Variants in GABBR2 observed in about 807,000 individuals in gnomAD.
The protein encoded by GABBR2 is gamma-aminobutyric acid type B receptor subunit 2.
Under a neutral mutation model 105.6 loss-of-function variants are expected in GABBR2, and 23 were observed. That is an observed-to-expected ratio of 0.22 (90% CI 0.16 to 0.31). The LOEUF is 0.31. Among genes scored for constraint, GABBR2 ranks in the 10% least tolerant of loss-of-function variants. The probability of loss-of-function intolerance (pLI) is 1.00; values close to 1 mark genes in which losing one functional copy is unlikely to be tolerated. For synonymous variants in GABBR2, 478 were observed against 499.7 expected (o/e 0.96, Z 0.58); for missense variants, 734 against 1,245.5 (o/e 0.59, Z 6.18).
In GABBR2 at chr9:98,347,092, C is replaced by A. The variant is rs572295487; in HGVS notation, c.1893+15623G>T. ...TGATTTCCTTTCCTTTGGATAAACA[C>A]CCAGTAGTGGGATTGCTGAATCATA... is the stretch of plus-strand genomic sequence containing the variant. On this transcript the variant is annotated intron_variant, in intron 13 of 18. Coordinates refer to ENST00000259455, the MANE Select transcript of GABBR2 (RefSeq NM_005458.8). Among the ~76,000 whole-genome samples the A allele has an allele frequency of 9.2e-5, 14 of 152,268 alleles. No homozygotes were observed. In the South Asian group the frequency reaches 2.9e-3, roughly 32 times the overall value.
chr9:98,364,959 C>G (rs1400396911), intron 12 of GABBR2, among the ~76,000 whole-genome samples: 2 of 152,186 alleles, frequency 1.3e-5, no homozygotes, highest in African/African-American at 4.8e-5. Flanking sequence ...AATTCTGGCT[C>G]TGTTCCTTGA....
intron 5 of GABBR2, among the ~76,000 whole-genome samples, chr9:98,476,082 C>A (rs1389861021): frequency 2.0e-5 from 3 of 151,950 alleles, no homozygotes; most frequent in East Asian, 1.9e-4. Flanking sequence ...AACAAACAAA[C>A]AAAAAAACTC....
At chr9:98,399,262 G>A (rs1832347141) in intron 8 of GABBR2, among the ~76,000 whole-genome samples, 1 of 151,290 alleles carries the variant, frequency 6.6e-6, no homozygotes, top group Non-Finnish European at 1.5e-5. Flanking sequence ...GCTGAGGCAG[G>A]AGAATTGCTT....
intron 1 of GABBR2, among the ~76,000 whole-genome samples, chr9:98,620,592 G>T (rs1329555244): frequency 6.6e-6 from 1 of 152,026 alleles, no homozygotes; most frequent in African/African-American, 2.4e-5. Flanking sequence ...GCAAGCAGGG[G>T]ACAAAAGAAT....
In GABBR2 at chr9:98,685,281, C is replaced by T. The variant is rs552756234; in HGVS notation, c.321+23136G>A. ...TGGCAGGGGCTCTCAGGCCTTCGGC[C>T]ACAGACTGAAAGCTGCACTGTTGGT... On this transcript the variant is annotated intron_variant, in intron 1 of 18. Transcript: ENST00000259455. Among the ~76,000 whole-genome samples the T allele has an allele frequency of 2.0e-5, 3 of 152,352 alleles. No homozygotes were observed. In the East Asian group the frequency reaches 5.8e-4, roughly 29 times the overall value.
At chr9:98,596,955 T>C (rs2184025) in intron 1 of GABBR2, among the ~76,000 whole-genome samples, 108,508 of 152,016 alleles carry the variant, frequency 0.71, 38,759 homozygotes, top group East Asian at 0.78. Context: ...GCCAGGCGAC[T>C]ACCTCGAAGC....
At chr9:98,355,058 T>C (rs1285604663) in intron 13 of GABBR2, among the ~76,000 whole-genome samples, 1 of 151,998 alleles carries the variant, frequency 6.6e-6, no homozygotes, top group East Asian at 1.9e-4. Flanking sequence ...AACTTCAATA[T>C]TGTGTCTTAG....
intron 1 of GABBR2, among the ~76,000 whole-genome samples, chr9:98,656,231 G>A (rs1830181372): frequency 6.6e-6 from 1 of 152,152 alleles, no homozygotes; most frequent in Admixed American, 6.5e-5. Context: ...GAGATATTAA[G>A]GGTGGATATG....
chr9:98,576,205 T>C (rs1828905469), intron 2 of GABBR2, among the ~76,000 whole-genome samples: 1 of 152,152 alleles, frequency 6.6e-6, no homozygotes. Context: ...ACAGATCCTC[T>C]ATGTGGTCAG....
chr9:98,290,605 T>C lies in GABBR2; in HGVS notation c.2805A>G (p.Arg935=), dbSNP rs1321512562. The part of the protein sequence containing the change: ...PRHRHVPPSF[R]VMVSGL ...ACCCTTACAGGCCCGAGACCATGAC[T>C]CGGAAGGAGGGTGGCACATGTCTGT... The change falls in exon 19 of 19, where the codon CGA becomes CGG. Residue 935 remains arginine (R), a synonymous_variant. Coordinates refer to ENST00000259455, the MANE Select transcript of GABBR2 (RefSeq NM_005458.8). The C allele has an allele frequency of 9.2e-6, 13 of 1,411,566 alleles. No homozygotes were observed. The highest frequency in any genetic ancestry group is 1.2e-5 in the Non-Finnish European group (13 of 1,082,842). 87.4% of individuals were successfully genotyped at this position (1,411,566 alleles called of 1,614,324 possible).
At chr9:98,611,815 T>C (rs1485683971) in intron 1 of GABBR2, among the ~76,000 whole-genome samples, 2 of 152,326 alleles carry the variant, frequency 1.3e-5, no homozygotes, top group African/African-American at 2.4e-5. Flanking sequence ...TCACGTTCCA[T>C]GGCAGCCTTG....
intron 1 of GABBR2, among the ~76,000 whole-genome samples, chr9:98,602,052 G>C (rs959685537): frequency 6.6e-6 from 1 of 152,138 alleles, no homozygotes; most frequent in Non-Finnish European, 1.5e-5. Context: ...ACAGGCCGGA[G>C]TGCAGTGGTG....
At chr9:98,343,891 A>T (rs1264745524) in intron 13 of GABBR2, among the ~76,000 whole-genome samples, 1 of 152,108 alleles carries the variant, frequency 6.6e-6, no homozygotes, top group African/African-American at 2.4e-5. Context: ...AAAATCCCAT[A>T]TGGAGGTGTG....
At chr9:98,425,539 A>G (rs1825666577) in intron 7 of GABBR2, among the ~76,000 whole-genome samples, 1 of 152,192 alleles carries the variant, frequency 6.6e-6, no homozygotes, top group Admixed American at 6.5e-5. Flanking sequence ...CAGAGCAAAC[A>G]GGCATTCCAT....
Position 98,454,008 on chromosome 9 carries a change from C to T in GABBR2, c.1209G>A (p.Met403Ile). ...HTLGRIILNA[M>I]NETNFFGVTG... ...TGACCCCGAAGAAGTTGGTCTCGTTCATGGCATTGAGGATGATCCTGCCCA... is the reference window on the plus strand; with the variant it reads ...TGACCCCGAAGAAGTTGGTCTCGTTTATGGCATTGAGGATGATCCTGCCCA... The change falls in exon 7 of 19, where the codon ATG (methionine) becomes ATA (isoleucine). Residue 403 changes from methionine (M) to isoleucine (I), a missense_variant. Transcript: ENST00000259455. This position sits in a 1 kb window ranked among gnomAD's most constrained non-coding sequence, Gnocchi z 4.6. The T allele has an allele frequency of 6.2e-7, 1 of 1,614,028 alleles. No homozygotes were observed. The highest frequency in any genetic ancestry group is 1.1e-5 in the South Asian group (1 of 91,076).
chr9:98,426,475 G>A (rs1317978448), intron 7 of GABBR2, among the ~76,000 whole-genome samples: 1 of 152,218 alleles, frequency 6.6e-6, no homozygotes, highest in Non-Finnish European at 1.5e-5. Flanking sequence ...ATCTCACAGT[G>A]CTCAGCTCTG....
Position 98,577,959 on chromosome 9 carries a change from G to A in GABBR2, c.435C>T (p.Ser145=). ...CCTGCACCAGATTCCAGCCTTGGAGGGACTCTGCAATGATGGATGTGACGG... is the reference window on the plus strand; with the variant it reads ...CCTGCACCAGATTCCAGCCTTGGAGAGACTCTGCAATGATGGATGTGACGG... ...CPSVTSIIAE[S]LQGWNLVQLS... is the part of the protein sequence containing the mutation. Residue 145 remains serine (S), a synonymous_variant, in exon 2 of 19, where the codon TCC becomes TCT. Coordinates refer to ENST00000259455, the MANE Select transcript of GABBR2 (RefSeq NM_005458.8). The A allele has an allele frequency of 6.2e-7, 1 of 1,613,566 alleles. No individual in the cohort carries two copies. The highest frequency in any genetic ancestry group is 8.5e-7 in the Non-Finnish European group (1 of 1,179,614).
intron 3 of GABBR2, among the ~76,000 whole-genome samples, chr9:98,500,485 G>A (rs1827376064): frequency 6.6e-6 from 1 of 152,238 alleles, no homozygotes; most frequent in African/African-American, 2.4e-5. Context: ...GGCACCAACG[G>A]CTGCTGGAAA....
In GABBR2 at chr9:98,432,162, C is replaced by G. The variant is rs546902185; in HGVS notation, c.1236+21819G>C. Among the ~76,000 whole-genome samples, 5 of 152,288 alleles carry G rather than the reference C, an allele frequency of 3.3e-5. No individual in the cohort carries two copies. In the South Asian group the frequency reaches 1.0e-3, roughly 32 times the overall value. On this transcript the variant is annotated intron_variant, in intron 7 of 18. Coordinates refer to ENST00000259455, the MANE Select transcript of GABBR2 (RefSeq NM_005458.8). ...TCCACTGCCTTGGCCTCCCAAAGTG[C>G]TAGGATTATAGGCGTGAGTCACTGC...
Sources: gnomAD v4.1 joint callset for allele counts (sites outside exome capture counted in the v4.1 genomes callset) on GRCh38, gnomAD v4.1.1 for gene constraint, Gnocchi (gnomAD v3.1) non-coding constraint, MANE v1.5 for transcripts, NCBI Gene and HGNC (gene_info 2026-07-23, HGNC 2026-07-21) for gene names.